The following SLC4A10 variants were observed in gnomAD, a reference collection of about 807,000 sequenced individuals.
SLC4A10 encodes sodium-driven chloride bicarbonate exchanger.
In SLC4A10, 42 loss-of-function variants were observed where a neutral mutation model predicts 137.7. The observed-to-expected ratio is 0.30, with a 90% CI of 0.24 to 0.39. The LOEUF (loss-of-function observed/expected upper bound fraction) is 0.39. SLC4A10 is among the 10% of genes least tolerant of loss of function. SLC4A10 has a pLI of 1.00. For synonymous variants in SLC4A10, 474 were observed against 464.1 expected (o/e 1.02, Z -0.27); for missense variants, 925 against 1,355.0 (o/e 0.68, Z 4.98).
intron 23 of SLC4A10, among the ~76,000 whole-genome samples, chr2:161,966,398 T>C (rs1390059178): frequency 6.6e-6 from 1 of 152,208 alleles, no homozygotes; most frequent in African/African-American, 2.4e-5. Flanking sequence ...ATTATACAAT[T>C]GTTATTATTT....
Position 161,657,717 on chromosome 2 carries a change from A to T in SLC4A10, c.48+33151A>T, listed in dbSNP as rs2037743873. Among the ~76,000 whole-genome samples the T allele has an allele frequency of 2.0e-5, 3 of 152,096 alleles. No individual in the cohort carries two copies. The South Asian group carries it at 6.2e-4, about 31-fold the overall frequency. On this transcript the variant is annotated intron_variant, in intron 1 of 26. Coordinates refer to ENST00000446997, the MANE Select transcript of SLC4A10 (RefSeq NM_001178015.2). ...TCTAAATTGTTAACATAGGGAGAAAATAAAATCTTTCTATGAAATTAAAGA... is the reference window on the plus strand; with the variant it reads ...TCTAAATTGTTAACATAGGGAGAAATTAAAATCTTTCTATGAAATTAAAGA...
At chr2:161,835,419 A>G (rs757074725) in intron 3 of SLC4A10, among the ~76,000 whole-genome samples, 3 of 152,202 alleles carry the variant, frequency 2.0e-5, no homozygotes, top group Non-Finnish European at 2.9e-5. Flanking sequence ...AGGGATGGTC[A>G]TAAGAGACCT....
At chr2:161,834,776 A>T (rs1287461238) in intron 3 of SLC4A10, among the ~76,000 whole-genome samples, 2 of 151,752 alleles carry the variant, frequency 1.3e-5, no homozygotes, top group Non-Finnish European at 2.9e-5. Context: ...CATGGGGTGG[A>T]TGAATGCCAT....
chr2:161,856,687 AC>A (rs1182258289), intron 5 of SLC4A10, among the ~76,000 whole-genome samples: 1 of 152,126 alleles, frequency 6.6e-6, no homozygotes, highest in African/African-American at 2.4e-5. Context: ...TACCCAATAA[AC>A]ATTTTTATAT....
chr2:161,720,143 A>G (rs567753714), intron 1 of SLC4A10, among the ~76,000 whole-genome samples: 2 of 152,328 alleles, frequency 1.3e-5, no homozygotes, highest in East Asian at 3.9e-4. Context: ...ACCATTTATT[A>G]AATAGGGAAT....
intron 23 of SLC4A10, among the ~76,000 whole-genome samples, chr2:161,966,743 A>AAAACAAC (rs1553645655): frequency 6.7e-6 from 1 of 149,726 alleles, no homozygotes; most frequent in Admixed American, 6.7e-5. Flanking sequence ...CTCAAAAAAA[A>AAAACAAC]AAAAAACAAA....
At chr2:161,859,988 C>T (rs538312040) in intron 5 of SLC4A10, among the ~76,000 whole-genome samples, 2 of 152,250 alleles carry the variant, frequency 1.3e-5, no homozygotes, top group Admixed American at 6.5e-5. Context: ...CTGGACCCAA[C>T]GTCATTATGG....
intron 2 of SLC4A10, among the ~76,000 whole-genome samples, chr2:161,780,763 T>C (rs1024607302): frequency 1.3e-5 from 2 of 152,038 alleles, no homozygotes; most frequent in African/African-American, 4.8e-5. Context: ...GAATATAGTT[T>C]ACAATTTTCT....
chr2:161,649,999 A>T (rs1053104672), intron 1 of SLC4A10, among the ~76,000 whole-genome samples: 1 of 152,212 alleles, frequency 6.6e-6, no homozygotes, highest in Admixed American at 6.5e-5. Flanking sequence ...AAACTAAGGA[A>T]TTAACATTGG....
chr2:161,675,941 G>A (rs1037094130), intron 1 of SLC4A10, among the ~76,000 whole-genome samples: 1 of 152,144 alleles, frequency 6.6e-6, no homozygotes, highest in African/African-American at 2.4e-5. Flanking sequence ...ATGAAATCAT[G>A]TACTTTTTCC....
intron 1 of SLC4A10, among the ~76,000 whole-genome samples, chr2:161,648,925 T>G (rs1170791640): frequency 6.6e-6 from 1 of 152,154 alleles, no homozygotes; most frequent in Non-Finnish European, 1.5e-5. Flanking sequence ...AGTGAAAAAC[T>G]TATGTGTGTT....
chr2:161,951,099 T>G (rs1472251863), intron 19 of SLC4A10, among the ~76,000 whole-genome samples: 3 of 152,128 alleles, frequency 2.0e-5, no homozygotes, highest in Non-Finnish European at 4.4e-5. Flanking sequence ...ACTGTCAAAG[T>G]TTTAACTTTT....
chr2:161,708,235 G>A (rs2043899721), intron 1 of SLC4A10, among the ~76,000 whole-genome samples: 1 of 151,472 alleles, frequency 6.6e-6, no homozygotes, highest in Admixed American at 6.6e-5. Flanking sequence ...TCAGAGTTTG[G>A]AGGGAAAATT....
intron 6 of SLC4A10, among the ~76,000 whole-genome samples, chr2:161,867,540 G>C (rs72881021): frequency 0.061 from 9,211 of 151,996 alleles, 368 homozygotes; most frequent in East Asian, 0.13. Flanking sequence ...CAACTGATGG[G>C]CCTGCCCAGA....
At position 161,900,940 on chromosome 2, in the gene SLC4A10, T is replaced by C. The variant is rs1682964743; in HGVS notation, c.1371T>C (p.Asn457=). The change falls in exon 12 of 27, where the codon AAT becomes AAC. Residue 457 remains asparagine (N), a synonymous_variant. Transcript: ENST00000446997. ...AGAGGAAGATTCCTGCTGTACCAAA[T>C]GGAACAGCAGCTCATGGGGAAGCAG... is the stretch of plus-strand genomic sequence containing the variant. The part of the protein sequence containing the change: ...QEKRKIPAVP[N]GTAAHGEAEP... 1.3e-6 allele frequency: 2 copies of C among 1,563,842 alleles called. No individual in the cohort carries two copies. Among genetic ancestry groups the C allele is most frequent in the Non-Finnish European group, 1.7e-6 (2 of 1,153,688 alleles).
At chr2:161,960,616 A>T (rs934982722) in intron 21 of SLC4A10, among the ~76,000 whole-genome samples, 1 of 151,562 alleles carries the variant, frequency 6.6e-6, no homozygotes, top group Non-Finnish European at 1.5e-5. Context: ...GCTACTCAGG[A>T]GGTTGAGATA....
chr2:161,841,979 A>G (rs2059214051), intron 4 of SLC4A10, among the ~76,000 whole-genome samples: 1 of 152,110 alleles, frequency 6.6e-6, no homozygotes, highest in Non-Finnish European at 1.5e-5. Context: ...TCCACTTCAT[A>G]TATTTGGAAC....
chr2:161,812,396 G>A (rs1045284941), intron 3 of SLC4A10, among the ~76,000 whole-genome samples: 3 of 151,770 alleles, frequency 2.0e-5, no homozygotes, highest in Admixed American at 6.6e-5. Context: ...GAATTTGGGG[G>A]TACATGTGCA....
chr2:161,720,149 G>A (rs2045474716), intron 1 of SLC4A10, among the ~76,000 whole-genome samples: 1 of 152,140 alleles, frequency 6.6e-6, no homozygotes, highest in Admixed American at 6.5e-5. Context: ...TATTAAATAG[G>A]GAATCCTTTC....
Sources: gnomAD v4.1 joint callset for allele counts (sites outside exome capture counted in the v4.1 genomes callset) on GRCh38, gnomAD v4.1.1 for gene constraint, MANE v1.5 for transcripts, NCBI Gene and HGNC (gene_info 2026-07-23, HGNC 2026-07-21) for gene names.